Variants in BTD observed in about 807,000 individuals in gnomAD.
The protein encoded by BTD is biotinidase, also known as biocytinase.
A neutral mutation model predicts 17.7 loss-of-function variants in BTD; 13 were observed. The ratio of observed to expected loss-of-function variants is 0.74; its 90% CI spans 0.48 to 1.17. The LOEUF is 1.17. Ranked by LOEUF, BTD falls within the 50% of genes most tolerant of loss-of-function variation. The pLI is 0.00. For missense variants in BTD, 674 were observed against 650.4 expected, an observed-to-expected ratio of 1.04 and a Z score of -0.39; for synonymous variants, 240 against 245.2, an observed-to-expected ratio of 0.98 and a Z score of 0.20.
chr3:15,643,882 C>G (rs1162437646), intron 3 of BTD, among the ~76,000 whole-genome samples: 2 of 136,950 alleles, frequency 1.5e-5, no homozygotes, highest in Non-Finnish European at 3.1e-5. Flanking sequence ...TGTAACAAGA[C>G]CCTGTCTCTG....
chr3:15,714,550 C>CA (rs1250831412), downstream of BTD: 4 of 1,477,850 alleles, frequency 2.7e-6, no homozygotes, highest in South Asian at 1.3e-5. Flanking sequence ...AAAAAAAACC[C>CA]CAAAAAAAAA....
chr3:15,676,437 A>T (rs1050704244), intron 3 of BTD, among the ~76,000 whole-genome samples: 2 of 152,198 alleles, frequency 1.3e-5, no homozygotes, highest in African/African-American at 4.8e-5. Flanking sequence ...CCTTCAAGGG[A>T]TCTGACTAAT....
Position 15,635,279 on chromosome 3 carries a change from T to G in BTD, c.-16-145T>G, listed in dbSNP as rs1372423473. ...TTGGAGAGAAACACATACTCTTTTATTAGGAACATGAAACAAACTCTTTGA... is the reference window on the plus strand; with the variant it reads ...TTGGAGAGAAACACATACTCTTTTAGTAGGAACATGAAACAAACTCTTTGA... On this transcript the variant is annotated intron_variant, in intron 1 of 3. Coordinates refer to ENST00000643237, the MANE Select transcript of BTD (RefSeq NM_001370658.1). This position sits in a 1 kb window ranked among gnomAD's most constrained non-coding sequence, Gnocchi z 4.1. 2 of 1,244,256 alleles carry G rather than the reference T, an allele frequency of 1.6e-6. No individual in the cohort carries two copies. Among genetic ancestry groups the G allele is most frequent in the Non-Finnish European group, 2.3e-6 (2 of 861,016 alleles). 77.1% of individuals were successfully genotyped at this position (1,244,256 alleles called of 1,614,324 possible).
At position 15,641,987 on chromosome 3, in the gene BTD, A is replaced by G; in HGVS notation, c.329A>G (p.Asp110Gly). The G allele has an allele frequency of 1.9e-6, 3 of 1,614,118 alleles. No individual in the cohort carries two copies. The highest frequency in any genetic ancestry group is 2.5e-6 in the Non-Finnish European group (3 of 1,179,996). Residue 110 changes from aspartate to glycine, a missense_variant, in exon 3 of 4, where the codon GAC becomes GGC. Asp to Gly is a moderately conservative substitution (Grantham distance 94). Transcript: ENST00000643237. ...FTRTSIYPFLDFMPSPQVVRW... is the reference protein window; with the variant it reads ...FTRTSIYPFLGFMPSPQVVRW... ...AGAACATCCATTTATCCATTTTTGG[A>G]CTTCATGCCGTCTCCCCAGGTGGTC...
In BTD at chr3:15,703,915, A is replaced by G. The variant is rs116645353; in HGVS notation, c.400-6145A>G. The stretch of plus-strand genomic sequence containing the variant: ...TTAAGGCTGTGAGGGACATAAAATA[A>G]TCTACATACACACAGAGCAATATAA... On this transcript the variant is annotated intron_variant, in intron 3 of 3. Transcript: ENST00000672141. Among the ~76,000 whole-genome samples, 1,293 of 152,278 alleles carry G rather than the reference A, an allele frequency of 8.5e-3. 17 individuals are homozygous for G. The highest frequency in any genetic ancestry group is 0.029 in the African/African-American group (1,210 of 41,544).
At chr3:15,612,728 T>C (rs575658098) in intron 1 of BTD, among the ~76,000 whole-genome samples, 50 of 152,120 alleles carry the variant, frequency 3.3e-4, no homozygotes, top group African/African-American at 8.9e-4. Flanking sequence ...TCTATTGTTG[T>C]ATAAAAATTT....
chr3:15,626,230 T>G (rs2065062789), intron 1 of BTD, among the ~76,000 whole-genome samples: 1 of 152,224 alleles, frequency 6.6e-6, no homozygotes, highest in Admixed American at 6.5e-5. Context: ...ATTTTGAGTG[T>G]GGTTGCATTA....
chr3:15,633,210 C>G (rs1446729051), intron 1 of BTD, among the ~76,000 whole-genome samples: 1 of 152,064 alleles, frequency 6.6e-6, no homozygotes, highest in Non-Finnish European at 1.5e-5. Flanking sequence ...CCCTCCTCCC[C>G]CTCCCACCCC....
At position 15,635,563 on chromosome 3, in the gene BTD, G is replaced by T. The variant is rs397507170; in HGVS notation, c.124G>T (p.Val42Leu). 6.2e-7 allele frequency: 1 copy of T among 1,614,152 alleles called. No individual in the cohort carries two copies. Among genetic ancestry groups the T allele is most frequent in the Non-Finnish European group, 8.5e-7 (1 of 1,180,032 alleles). ...CGAGGCTGAATATTATGTGGCTGCC[G>T]TGTATGAGCATCCATCCATCCTGAG... The part of the protein sequence containing the change: ...HHEAEYYVAA[V>L]YEHPSILSLN... Residue 42 changes from valine to leucine, a missense_variant, in exon 2 of 4, where the codon GTG (valine) becomes TTG (leucine). Val to Leu is a conservative substitution (Grantham distance 32, BLOSUM62 1). Transcript: ENST00000643237. The surrounding 1 kb of genome is among the most constrained non-coding windows in gnomAD (Gnocchi z 4.1).
chr3:15,718,583 G>A (rs7615295), intron 4 of BTD, among the ~76,000 whole-genome samples: 286 of 151,992 alleles, frequency 1.9e-3, no homozygotes, highest in African/African-American at 6.5e-3. Context: ...AGAATCAAGT[G>A]ATTCATTATC....
chr3:15,690,206 G>A (rs1280596200), intron 3 of BTD: 2 of 1,601,002 alleles, frequency 1.2e-6, no homozygotes, highest in Non-Finnish European at 1.7e-6. Context: ...GTGCTTGATG[G>A]TGACCATGAT....
At chr3:15,695,362 A>AT in intron 3 of BTD, 1 of 627,882 alleles carries the variant, frequency 1.6e-6, no homozygotes, top group Non-Finnish European at 2.9e-6. Context: ...AAACAATTTT[A>AT]TATCACAACA....
rs2065750133 is a variant in BTD at position 15,648,785 on chromosome 3, G to T, written c.*3297G>T. Among the ~76,000 whole-genome samples the T allele has an allele frequency of 1.3e-5, 2 of 152,210 alleles. No individual in the cohort carries two copies. The highest frequency in any genetic ancestry group is 4.1e-4 in the South Asian group (2 of 4,832). ...TAAGTTAAAATGAGATCACACTAGA[G>T]TAACTGGGCCCTTAATCCAATATGA... On this transcript the variant is annotated 3_prime_UTR_variant, in exon 4 of 4. Transcript: ENST00000643237.
intron 3 of BTD, among the ~76,000 whole-genome samples, chr3:15,660,564 T>C (rs1417001234): frequency 6.6e-6 from 1 of 152,218 alleles, no homozygotes; most frequent in South Asian, 2.1e-4. Context: ...ATACAATGTG[T>C]TGACACAGAA....
At chr3:15,617,983 T>A (rs2064839732) in intron 1 of BTD, among the ~76,000 whole-genome samples, 1 of 152,206 alleles carries the variant, frequency 6.6e-6, no homozygotes, top group Non-Finnish European at 1.5e-5. Flanking sequence ...TAGAGACAGG[T>A]CTCGCTCTGT....
chr3:15,653,610 A>G lies in BTD; in HGVS notation c.*8122A>G, dbSNP rs1429672988. Among the ~76,000 whole-genome samples the G allele has an allele frequency of 6.6e-6, 1 of 152,184 alleles. No homozygotes were observed. The highest frequency in any genetic ancestry group is 1.9e-4 in the East Asian group (1 of 5,196). On this transcript the variant is annotated 3_prime_UTR_variant, in exon 4 of 4. Transcript: ENST00000643237. Reference sequence around the variant, plus strand: ...AGGCAATTATATTTACATTTTCTCTAAGTACTGGAATGTAATGGTTGAAAT... The same window carrying G: ...AGGCAATTATATTTACATTTTCTCTGAGTACTGGAATGTAATGGTTGAAAT...
chr3:15,626,663 G>A (rs982691413), intron 1 of BTD, among the ~76,000 whole-genome samples: 7 of 151,868 alleles, frequency 4.6e-5, no homozygotes, highest in African/African-American at 1.7e-4. Flanking sequence ...TGTAGTCCCA[G>A]CTACTTGAGA....
rs1371991940 is a variant in BTD at position 15,707,224 on chromosome 3, TTC to T, written c.400-2834_400-2833del. Among the ~76,000 whole-genome samples, 4 of 151,212 alleles carry T rather than the reference TTC, an allele frequency of 2.6e-5. No individual in the cohort carries two copies. The South Asian group carries it at 6.3e-4, about 24-fold the overall frequency. ...GGAATTACCAGACACTGAAAATCTT[TTC>T]TGTTTTCAATGAGTTTATTTTCGTG... On this transcript the variant is annotated intron_variant, in intron 3 of 3. Coordinates refer to the BTD transcript ENST00000672141.
intron 3 of BTD, among the ~76,000 whole-genome samples, chr3:15,701,647 A>AAAATAAATAAATAAAT (rs373322435): frequency 8.5e-5 from 13 of 152,136 alleles, no homozygotes; most frequent in African/African-American, 2.9e-4. Flanking sequence ...TCCGTCTCAA[A>AAAATAAATAAATAAAT]AAATAAATAA....
Sources: allele counts gnomAD v4.1 joint callset (sites outside exome capture counted in the v4.1 genomes callset), GRCh38; gene constraint gnomAD v4.1.1; non-coding constraint Gnocchi (gnomAD v3.1); transcripts MANE v1.5; gene names NCBI Gene and HGNC (gene_info 2026-07-23, HGNC 2026-07-21).